CRYBG3: variants seen among roughly 807,000 people sequenced by gnomAD.
CRYBG3 encodes very large A-kinase anchor protein.
A neutral mutation model predicts 244.2 loss-of-function variants in CRYBG3; 127 were observed. The ratio of observed to expected loss-of-function variants is 0.52; its 90% CI spans 0.45 to 0.60. The LOEUF (loss-of-function observed/expected upper bound fraction) is 0.60. CRYBG3 is among the 20% of genes least tolerant of loss of function. The probability of loss-of-function intolerance (pLI) is 0.00; values close to 1 mark genes in which losing one functional copy is unlikely to be tolerated. For synonymous variants in CRYBG3, 1,132 were observed against 1,195.8 expected, an observed-to-expected ratio of 0.95 and a Z score of 1.10; for missense variants, 3,325 against 3,442.5, an observed-to-expected ratio of 0.97 and a Z score of 0.85.
chr3:97,911,598 C>T (rs544706644), intron 15 of CRYBG3, among the ~76,000 whole-genome samples: 1 of 152,280 alleles, frequency 6.6e-6, no homozygotes, highest in South Asian at 2.1e-4. Flanking sequence ...TTCCACTAAT[C>T]CCGTCATTAT....
At chr3:97,866,662 TGGGAAG>T (rs2039236179) in intron 3 of CRYBG3, among the ~76,000 whole-genome samples, 1 of 152,224 alleles carries the variant, frequency 6.6e-6, no homozygotes, top group Admixed American at 6.5e-5. Context: ...TTGGGTAGAA[TGGGAAG>T]TTTGTACTTT....
chr3:97,912,803 C>G (rs898787119), intron 16 of CRYBG3, among the ~76,000 whole-genome samples: 1 of 151,988 alleles, frequency 6.6e-6, no homozygotes, highest in African/African-American at 2.4e-5. Context: ...CAACAATATA[C>G]TGTATATTTT....
chr3:97,865,658 C>T (rs1057041381), intron 3 of CRYBG3, among the ~76,000 whole-genome samples: 3 of 152,058 alleles, frequency 2.0e-5, no homozygotes, highest in Admixed American at 6.6e-5. Flanking sequence ...ACATTTAAAT[C>T]GAGCAGAGTA....
In CRYBG3 at chr3:97,872,625, G is replaced by A; in HGVS notation, c.1431G>A (p.Lys477=). ...TGCCAGAGAGTGAGTGTTCTGACAA[G>A]CAAACCATAGATAGCTCATCAAAGC... ...LQLPESECSD[K]QTIDSSSKQA... is the part of the protein sequence containing the mutation. Residue 477 remains lysine (K), a synonymous_variant, in exon 4 of 22, where the codon AAG becomes AAA. Coordinates refer to ENST00000389622, the MANE Select transcript of CRYBG3 (RefSeq NM_153605.4). 6.5e-7 allele frequency: 1 copy of A among 1,535,932 alleles called. No individual in the cohort carries two copies. Among genetic ancestry groups the A allele is most frequent in the Non-Finnish European group, 8.7e-7 (1 of 1,146,800 alleles).
chr3:97,832,422 A>G (rs995688404), intron 1 of CRYBG3, among the ~76,000 whole-genome samples: 3 of 152,140 alleles, frequency 2.0e-5, no homozygotes, highest in Admixed American at 6.5e-5. Context: ...CCACACATCT[A>G]CAACCATCTG....
At chr3:97,910,702 G>A (rs184145064) in intron 15 of CRYBG3, among the ~76,000 whole-genome samples, 232 of 152,288 alleles carry the variant, frequency 1.5e-3, no homozygotes, top group Middle Eastern at 3.4e-3. Flanking sequence ...AGAAATCACC[G>A]TCTTCTGCGT....
At position 97,872,253 on chromosome 3, in the gene CRYBG3, C is replaced by T. The variant is rs902875712; in HGVS notation, c.1059C>T (p.Asn353=). 25 of 1,535,746 alleles carry T rather than the reference C, an allele frequency of 1.6e-5. No individual in the cohort carries two copies. Among genetic ancestry groups the T allele is most frequent in the African/African-American group, 1.5e-4 (11 of 73,018 alleles). ...RNRSSPSSVT[N]SSYDGESDSQ... ...GGTCATCCCCTTCTTCTGTGACTAACTCCAGCTACGATGGAGAATCTGACT... is the reference window on the plus strand; with the variant it reads ...GGTCATCCCCTTCTTCTGTGACTAATTCCAGCTACGATGGAGAATCTGACT... Residue 353 remains asparagine, a synonymous_variant, in exon 4 of 22, where the codon AAC becomes AAT. Transcript: ENST00000389622.
At chr3:97,833,532 G>A (rs1451856589) in intron 1 of CRYBG3, among the ~76,000 whole-genome samples, 2 of 152,024 alleles carry the variant, frequency 1.3e-5, no homozygotes, top group Non-Finnish European at 2.9e-5. Context: ...TGGACACAGG[G>A]AGGGGAACAT....
chr3:97,848,466 T>C (rs908994047), intron 2 of CRYBG3, among the ~76,000 whole-genome samples: 1 of 152,110 alleles, frequency 6.6e-6, no homozygotes, highest in Admixed American at 6.5e-5. Context: ...CACTCTCGGC[T>C]AATTTTTTGT....
At chr3:97,888,476 G>A (rs904075504) in intron 9 of CRYBG3, 21 bp downstream of exon 9, 7 of 1,476,132 alleles carry the variant, frequency 4.7e-6, no homozygotes, top group Middle Eastern at 1.7e-4. Flanking sequence ...TTAAAAAGAA[G>A]CATTCCTTTT....
chr3:97,903,630 A>G lies in CRYBG3; in HGVS notation c.8004+3145A>G, dbSNP rs147403524. Among the ~76,000 whole-genome samples, 1,337 of 152,302 alleles carry G rather than the reference A, an allele frequency of 8.8e-3. 16 individuals are homozygous for G. The highest frequency in any genetic ancestry group is 0.03 in the African/African-American group (1,258 of 41,574). The stretch of plus-strand genomic sequence containing the variant: ...TTTTAGTATTGGAGTAACTAAAATT[A>G]CATTAAAAATAATGCTGATATTGTA... On this transcript the variant is annotated intron_variant, in intron 15 of 21. Coordinates refer to ENST00000389622, the MANE Select transcript of CRYBG3 (RefSeq NM_153605.4).
intron 11 of CRYBG3, among the ~76,000 whole-genome samples, chr3:97,893,396 G>T (rs1248323862): frequency 2.6e-5 from 4 of 152,224 alleles, no homozygotes; most frequent in Non-Finnish European, 5.9e-5. Flanking sequence ...AAGGATCTGG[G>T]TTATGTGTTT....
intron 15 of CRYBG3, among the ~76,000 whole-genome samples, chr3:97,902,222 G>T (rs1331315736): frequency 6.6e-6 from 1 of 152,140 alleles, no homozygotes; most frequent in Non-Finnish European, 1.5e-5. Flanking sequence ...GCTCAAGTCA[G>T]AGAGGGAATT....
Position 97,877,940 on chromosome 3 carries a change from C to T in CRYBG3, c.6746C>T (p.Ser2249Leu), listed in dbSNP as rs761768617. Residue 2249 changes from serine to leucine, a missense_variant, in exon 4 of 22, where the codon TCA becomes TTA. This residue lies in a region of CRYBG3 where 450 missense variants were observed against 424.1 expected (regional missense o/e 1.06). Coordinates refer to ENST00000389622, the MANE Select transcript of CRYBG3 (RefSeq NM_153605.4). ...CTGCAGACTTCCCAAAGTCATTCCT[C>T]AGAAAAAGGAGCCAGATTTGGTGGA... ...QYLQTSQSHS[S>L]EKGARFGGIF... 5 of 1,614,060 alleles carry T rather than the reference C, an allele frequency of 3.1e-6. No individual in the cohort carries two copies. Among genetic ancestry groups the T allele is most frequent in the East Asian group, 2.2e-5 (1 of 44,886 alleles).
At chr3:97,850,828 C>A (rs1015464360) in intron 2 of CRYBG3, among the ~76,000 whole-genome samples, 3 of 152,006 alleles carry the variant, frequency 2.0e-5, no homozygotes, top group Admixed American at 6.6e-5. Flanking sequence ...ACGATGAAAT[C>A]CTTTATAAAG....
At position 97,875,805 on chromosome 3, in the gene CRYBG3, TGAACTTATA is replaced by T; in HGVS notation, c.4612_4620del (p.Glu1538_Ile1540del). 1 of 1,231,820 alleles carries T rather than the reference TGAACTTATA, an allele frequency of 8.1e-7. No homozygotes were observed. Among genetic ancestry groups the T allele is most frequent in the Non-Finnish European group, 1.0e-6 (1 of 987,752 alleles). The allele number at this position is 1,231,820 out of a possible 1,614,324, so 76.3% of individuals were successfully genotyped here. A position where few individuals can be genotyped will look rare whatever the true frequency, so the allele number is the denominator to read the frequency against. ...ATAATGAAATAAATATAGGGAAAAT[TGAACTTATA>T]CCTTCCATGTTAGAAACAGGGAAAA... On this transcript the variant is annotated inframe_deletion, in exon 4 of 22. Transcript: ENST00000389622.
At chr3:97,863,603 T>C (rs896746843) in intron 2 of CRYBG3, among the ~76,000 whole-genome samples, 4 of 152,138 alleles carry the variant, frequency 2.6e-5, no homozygotes, top group Non-Finnish European at 4.4e-5. Context: ...ATGTTTCATA[T>C]TGTGCCAGCT....
At chr3:97,851,692 G>GCA (rs2108185202) in intron 2 of CRYBG3, among the ~76,000 whole-genome samples, 1 of 152,326 alleles carries the variant, frequency 6.6e-6, no homozygotes, top group Admixed American at 6.5e-5. Context: ...ATTGTGAGTG[G>GCA]TAAGAGATGA....
chr3:97,892,597 T>C (rs1425790915), intron 10 of CRYBG3, among the ~76,000 whole-genome samples: 4 of 152,174 alleles, frequency 2.6e-5, no homozygotes, highest in African/African-American at 9.7e-5. Flanking sequence ...TTTTTCAAAC[T>C]ACTGTTTTGT....
Sources: allele counts gnomAD v4.1 joint callset (sites outside exome capture counted in the v4.1 genomes callset), GRCh38; gene constraint gnomAD v4.1.1; regional missense constraint gnomAD v4.1.1; transcripts MANE v1.5; gene names NCBI Gene and HGNC (gene_info 2026-07-23, HGNC 2026-07-21).